Variants in KLF12 observed in about 807,000 individuals in gnomAD.
KLF12 encodes KLF transcription factor 12.
KLF12 carries 9 observed loss-of-function variants against 37.8 expected under a neutral mutation model. The ratio of observed to expected loss-of-function variants is 0.24; its 90% CI spans 0.14 to 0.42. The LOEUF is 0.42. KLF12 is among the 10% of genes least tolerant of loss of function. KLF12 has a pLI of 1.00. For synonymous variants in KLF12, 208 were observed against 202.1 expected (o/e 1.03, Z -0.25); for missense variants, 411 against 516.0 (o/e 0.80, Z 1.97).
At chr13:73,716,165 T>G (rs1875788542) in intron 6 of KLF12, among the ~76,000 whole-genome samples, 1 of 152,200 alleles carries the variant, frequency 6.6e-6, no homozygotes, top group Non-Finnish European at 1.5e-5. Context: ...TGTACCACCA[T>G]TATAAAAAAA....
chr13:73,760,384 A>C (rs1233219071), intron 6 of KLF12, among the ~76,000 whole-genome samples: 1 of 152,120 alleles, frequency 6.6e-6, no homozygotes, highest in African/African-American at 2.4e-5. Context: ...GAGGTGGCAC[A>C]ATCATACCTC....
rs1280336321 is a variant in KLF12 at position 73,686,451 on chromosome 13, T to A, written c.*9039A>T. 6.6e-6 allele frequency: 1 copy of A among 152,654 alleles called. No individual in the cohort carries two copies. Among genetic ancestry groups the A allele is most frequent in the Non-Finnish European group, 1.5e-5 (1 of 68,038 alleles). The allele number at this position is 152,654 out of a possible 1,614,324, so 9.5% of individuals were successfully genotyped here. On this transcript the variant is annotated 3_prime_UTR_variant, in exon 8 of 8. Coordinates refer to ENST00000377669, the MANE Select transcript of KLF12 (RefSeq NM_007249.5). ...CATAAATACAAGAACAACACTTACA[T>A]AATATTAATAAACTTATAACAGGGT...
intron 1 of KLF12, among the ~76,000 whole-genome samples, chr13:74,022,538 C>A (rs1390912595): frequency 1.4e-5 from 2 of 139,358 alleles, no homozygotes; most frequent in Admixed American, 1.4e-4. Context: ...TTTCCTCTCA[C>A]TGGGTATCCC....
chr13:73,788,566 C>T (rs1257706642), intron 5 of KLF12, among the ~76,000 whole-genome samples: 2 of 152,156 alleles, frequency 1.3e-5, no homozygotes, highest in African/African-American at 4.8e-5. Flanking sequence ...TGGGTCAGCC[C>T]TGGGCCTGTG....
At chr13:73,826,697 A>G (rs1883862205) in intron 4 of KLF12, among the ~76,000 whole-genome samples, 1 of 152,070 alleles carries the variant, frequency 6.6e-6, no homozygotes, top group South Asian at 2.1e-4. Context: ...CCTTAACTAC[A>G]TATATGTCCA....
the KLF12 span, among the ~76,000 whole-genome samples, chr13:74,225,811 A>G: frequency 6.2e-4 from 95 of 152,306 alleles, no homozygotes; most frequent in Non-Finnish European, 1.0e-3. Context: ...ATTTTTTCAT[A>G]TGTGTCTTGA....
At chr13:74,134,701 C>T (rs1369527003), upstream of KLF12, among the ~76,000 whole-genome samples, 1 of 152,094 alleles carries the variant, frequency 6.6e-6, no homozygotes, top group Non-Finnish European at 1.5e-5. Flanking sequence ...GGAGGGACCC[C>T]TGGAGAGCAA....
intron 6 of KLF12, among the ~76,000 whole-genome samples, chr13:73,759,611 G>A (rs77586529): frequency 0.015 from 2,267 of 152,240 alleles, 53 homozygotes; most frequent in African/African-American, 0.052. Context: ...CTGCACAGGT[G>A]GACAACTGCC....
At chr13:73,853,726 G>A (rs1408945624) in intron 3 of KLF12, among the ~76,000 whole-genome samples, 13 of 126,796 alleles carry the variant, frequency 1.0e-4, no homozygotes, top group Admixed American at 8.6e-4. Flanking sequence ...TCGACAGAGT[G>A]AGACCCTGTC....
intron 1 of KLF12, among the ~76,000 whole-genome samples, chr13:74,075,509 A>G (rs1471322133): frequency 1.3e-5 from 2 of 152,198 alleles, no homozygotes; most frequent in Admixed American, 6.5e-5. Flanking sequence ...GGGAGTAGGT[A>G]AAGGTACTGG....
chr13:74,275,871 TTTCTTTC>T, the KLF12 span, among the ~76,000 whole-genome samples: 402 of 105,904 alleles, frequency 3.8e-3, no homozygotes, highest in Middle Eastern at 8.8e-3. Flanking sequence ...TCTTTCTATC[TTTCTTTC>T]TTCTTTCTTT....
At chr13:73,953,959 GTTTTTTCTTTCTTTTTT>G (rs1409903631) in intron 2 of KLF12, among the ~76,000 whole-genome samples, 40 of 133,310 alleles carry the variant, frequency 3.0e-4, no homozygotes, top group African/African-American at 1.1e-3. Context: ...ATTAGGTTTT[GTTTTTTCTTTCTTTTTT>G]TTTTTTTTTT....
chr13:73,792,940 A>T (rs1594097492), intron 5 of KLF12, among the ~76,000 whole-genome samples: 1 of 152,236 alleles, frequency 6.6e-6, no homozygotes, highest in African/African-American at 2.4e-5. Context: ...GAGAGGGCAC[A>T]TGCTGAACAC....
At chr13:73,929,916 C>T (rs1889588081) in intron 3 of KLF12, among the ~76,000 whole-genome samples, 1 of 152,154 alleles carries the variant, frequency 6.6e-6, no homozygotes, top group Admixed American at 6.5e-5. Flanking sequence ...AAGATTCTAT[C>T]TTGGGAGGAC....
chr13:74,154,100 T>C, the KLF12 span, among the ~76,000 whole-genome samples: 1 of 151,170 alleles, frequency 6.6e-6, no homozygotes, highest in African/African-American at 2.4e-5. Flanking sequence ...CTGGGCATGG[T>C]GGCACGCACC....
intron 3 of KLF12, among the ~76,000 whole-genome samples, chr13:73,854,988 T>G (rs909229553): frequency 6.6e-6 from 1 of 152,180 alleles, no homozygotes; most frequent in Non-Finnish European, 1.5e-5. Flanking sequence ...AAATCTCTCT[T>G]TTCCTACCTC....
chr13:73,746,784 T>G (rs914970353), intron 6 of KLF12, among the ~76,000 whole-genome samples: 3 of 151,422 alleles, frequency 2.0e-5, no homozygotes, highest in Admixed American at 6.6e-5. Context: ...CATATTTCAG[T>G]TTAAAGCCAT....
chr13:74,295,763 A>G, the KLF12 span, among the ~76,000 whole-genome samples: 1 of 152,144 alleles, frequency 6.6e-6, no homozygotes, highest in African/African-American at 2.4e-5. Context: ...TTCCTGGACT[A>G]AAAATAGTGG....
chr13:73,827,557 C>T (rs1377796797), intron 4 of KLF12, among the ~76,000 whole-genome samples: 8 of 152,156 alleles, frequency 5.3e-5, no homozygotes, highest in Non-Finnish European at 1.0e-4. Context: ...TTTTTTATTT[C>T]TATTTTTATT....
Sources: gnomAD v4.1 joint callset for allele counts (sites outside exome capture counted in the v4.1 genomes callset) on GRCh38, gnomAD v4.1.1 for gene constraint, MANE v1.5 for transcripts, NCBI Gene and HGNC (gene_info 2026-07-23, HGNC 2026-07-21) for gene names.